The following COL19A1 variants were observed in gnomAD, a reference collection of about 807,000 sequenced individuals.
COL19A1 encodes the protein collagen type XIX alpha 1 chain.
COL19A1 carries 159 observed loss-of-function variants against 190.2 expected under a neutral mutation model. The observed-to-expected ratio is 0.84, with a 90% CI of 0.73 to 0.95. The LOEUF (loss-of-function observed/expected upper bound fraction) is 0.95. COL19A1 is among the 40% of genes least tolerant of loss of function. COL19A1 has a pLI of 0.00. For missense variants in COL19A1, 1,418 were observed against 1,431.9 expected (o/e 0.99, Z 0.16); for synonymous variants, 509 against 458.9 (o/e 1.11, Z -1.39).
chr6:70,052,164 A>C (rs959790505), intron 14 of COL19A1, among the ~76,000 whole-genome samples: 1 of 152,168 alleles, frequency 6.6e-6, no homozygotes, highest in African/African-American at 2.4e-5. Flanking sequence ...CCATAAGGAT[A>C]CTGAGCTAAC....
intron 14 of COL19A1, among the ~76,000 whole-genome samples, chr6:70,056,371 A>G (rs1323559026): frequency 6.6e-6 from 1 of 152,144 alleles, no homozygotes; most frequent in Non-Finnish European, 1.5e-5. Flanking sequence ...TCTAATGCCT[A>G]TGGATTCTTT....
chr6:70,140,941 C>T lies in COL19A1; in HGVS notation c.1447-13C>T. 6.2e-7 allele frequency: 1 copy of T among 1,609,802 alleles called. No homozygotes were observed. The highest frequency in any genetic ancestry group is 8.5e-7 in the Non-Finnish European group (1 of 1,176,884). On this transcript the variant is annotated splice_polypyrimidine_tract_variant and intron_variant, in intron 19 of 50. Coordinates refer to ENST00000620364, the MANE Select transcript of COL19A1 (RefSeq NM_001858.6). ...AAGAGCGTTTAATTCTATTTTCTAC[C>T]CCTTCTCCTTAGGGAGAGCCTTTTA...
intron 49 of COL19A1, among the ~76,000 whole-genome samples, chr6:70,205,000 C>A (rs890581535): frequency 2.6e-4 from 40 of 152,148 alleles, no homozygotes; most frequent in African/African-American, 9.4e-4. Flanking sequence ...TCAAAGAAAT[C>A]CTGGAAACAT....
chr6:70,031,161 A>G (rs747629920), intron 12 of COL19A1, among the ~76,000 whole-genome samples: 8 of 151,768 alleles, frequency 5.3e-5, no homozygotes, highest in Non-Finnish European at 1.0e-4. Context: ...TGTGCTCATG[A>G]CACTCCTTTT....
At position 69,889,771 on chromosome 6, in the gene COL19A1, C is replaced by T. The variant is rs1234470388; in HGVS notation, c.92-9177C>T. 3 of 152,176 alleles carry T rather than the reference C, an allele frequency of 2.0e-5. No homozygotes were observed. In the East Asian group the frequency reaches 5.8e-4, roughly 29 times the overall value. 9.4% of individuals were successfully genotyped at this position (152,176 alleles called of 1,614,324 possible). A position where few individuals can be genotyped will look rare whatever the true frequency, so the allele number is the denominator to read the frequency against. On this transcript the variant is annotated intron_variant, in intron 2 of 50. Transcript: ENST00000620364. ...ACCAATCAGCACTCTGTAAAATGGA[C>T]CAATCAGCACTCTGTAAAATGGACC...
chr6:69,983,751 T>G (rs1776171218), intron 11 of COL19A1, among the ~76,000 whole-genome samples: 1 of 152,104 alleles, frequency 6.6e-6, no homozygotes, highest in Non-Finnish European at 1.5e-5. Context: ...ATGTGGTGAA[T>G]TATAATGATT....
At chr6:69,872,905 G>A (rs937054023) in intron 1 of COL19A1, among the ~76,000 whole-genome samples, 2 of 152,174 alleles carry the variant, frequency 1.3e-5, no homozygotes, top group Non-Finnish European at 2.9e-5. Context: ...GAAAATTTAA[G>A]AGAATGCATG....
At chr6:70,176,156 A>C (rs1765791754) in intron 41 of COL19A1, among the ~76,000 whole-genome samples, 1 of 152,226 alleles carries the variant, frequency 6.6e-6, no homozygotes, top group African/African-American at 2.4e-5. Context: ...CAAAGTGCTT[A>C]ATCTTTTAAG....
chr6:70,003,900 T>C (rs763918820), intron 11 of COL19A1, among the ~76,000 whole-genome samples: 2 of 152,254 alleles, frequency 1.3e-5, no homozygotes, highest in Admixed American at 6.5e-5. Flanking sequence ...ATGTGTGAAT[T>C]TGATTCTTTC....
chr6:69,884,374 G>A (rs1182323623), intron 2 of COL19A1, among the ~76,000 whole-genome samples: 3 of 151,816 alleles, frequency 2.0e-5, no homozygotes, highest in African/African-American at 7.3e-5. Flanking sequence ...CCAATGAGAG[G>A]AAAAATGTTT....
At chr6:69,967,947 C>T (rs6912507) in intron 11 of COL19A1, among the ~76,000 whole-genome samples, 11,330 of 119,084 alleles carry the variant, frequency 0.095, 550 homozygotes, top group East Asian at 0.23. Flanking sequence ...GCGTAAAGTA[C>T]ACTTTGCTAC....
At chr6:69,962,530 C>T (rs1399718918) in intron 10 of COL19A1, among the ~76,000 whole-genome samples, 1 of 152,068 alleles carries the variant, frequency 6.6e-6, no homozygotes, top group Non-Finnish European at 1.5e-5. Flanking sequence ...TCAAAACAAA[C>T]CATTGAGGAA....
At chr6:69,940,750 T>G (rs935159180) in intron 9 of COL19A1, among the ~76,000 whole-genome samples, 8 of 152,150 alleles carry the variant, frequency 5.3e-5, no homozygotes, top group African/African-American at 1.9e-4. Context: ...TGCACCCACA[T>G]TTGCTTAAAC....
intron 44 of COL19A1, among the ~76,000 whole-genome samples, chr6:70,182,085 T>C (rs1263185461): frequency 6.6e-6 from 1 of 152,152 alleles, no homozygotes; most frequent in Non-Finnish European, 1.5e-5. Flanking sequence ...CACTCTGATA[T>C]TGTGTGGAGA....
intron 1 of COL19A1, among the ~76,000 whole-genome samples, chr6:69,868,004 G>T (rs754770844): frequency 2.0e-5 from 3 of 151,708 alleles, no homozygotes; most frequent in Non-Finnish European, 2.9e-5. Context: ...GCTTGGATAA[G>T]TCTGAGGAGG....
chr6:69,959,995 G>C lies in COL19A1; in HGVS notation c.937-1G>C. 6.2e-7 allele frequency: 1 copy of C among 1,613,036 alleles called. No homozygotes were observed. Among genetic ancestry groups the C allele is most frequent in the Non-Finnish European group, 8.5e-7 (1 of 1,179,516 alleles). On this transcript the variant is annotated splice_acceptor_variant, in intron 9 of 50. Transcript: ENST00000620364. LOFTEE classifies it high-confidence loss of function. ...AACATTATTCTGTGTACTTCTTTTA[G>C]GGTGAAAATGGTTTACATGGTGCTC... is the stretch of plus-strand genomic sequence containing the variant.
rs550371166 is a variant in COL19A1, at chr6:70,209,034, A to AT, written c.*1772dup. On this transcript the variant is annotated 3_prime_UTR_variant, in exon 51 of 51. Coordinates refer to ENST00000620364, the MANE Select transcript of COL19A1 (RefSeq NM_001858.6). ...ATTTATTGTAAGCATTTTGACATTG[A>AT]TTTTTTTTTTTTCGTTTTCTTTCTT... 625 of 144,602 alleles carry AT rather than the reference A, an allele frequency of 4.3e-3. 1 individual carries two copies. Among genetic ancestry groups the AT allele is most frequent in the South Asian group, 0.014 (64 of 4,594 alleles). The allele number at this position is 144,602 out of a possible 1,614,324, so 9.0% of individuals were successfully genotyped here.
intron 14 of COL19A1, 122 bp from the exon 15 acceptor site, chr6:70,068,301 G>A: frequency 1.4e-6 from 1 of 716,832 alleles, no homozygotes; most frequent in Non-Finnish European, 2.5e-6. Context: ...AACCTTGAAA[G>A]AGCTCAAATT....
intron 11 of COL19A1, among the ~76,000 whole-genome samples, chr6:70,023,223 T>A (rs1359703336): frequency 6.7e-6 from 1 of 148,832 alleles, no homozygotes; most frequent in Non-Finnish European, 1.5e-5. Context: ...AACCTCCGCC[T>A]CCCAGGTTCA....
Sources: allele counts gnomAD v4.1 joint callset (sites outside exome capture counted in the v4.1 genomes callset), GRCh38; gene constraint gnomAD v4.1.1; transcripts MANE v1.5; gene names NCBI Gene and HGNC (gene_info 2026-07-23, HGNC 2026-07-21).